Variants in TENM3 observed in about 807,000 individuals in gnomAD.
The protein encoded by TENM3 is teneurin transmembrane protein 3.
TENM3 carries 63 observed loss-of-function variants against 255.1 expected under a neutral mutation model. That is an observed-to-expected ratio of 0.25 (90% CI 0.20 to 0.30). The LOEUF is 0.30. Ranked by LOEUF, TENM3 falls within the 10% of genes least tolerant of loss-of-function variation. TENM3 has a pLI of 1.00. For synonymous variants in TENM3, 1,306 were observed against 1,322.3 expected (o/e 0.99, Z 0.27); for missense variants, 2,929 against 3,461.1 (o/e 0.85, Z 3.86).
At chr4:182,504,674 T>C (rs140253418) in intron 3 of TENM3, among the ~76,000 whole-genome samples, 6 of 152,322 alleles carry the variant, frequency 3.9e-5, no homozygotes, top group African/African-American at 1.2e-4. Context: ...TGAATACATA[T>C]GGCGTTCGTA....
chr4:182,670,363 G>A (rs540577375), intron 6 of TENM3, among the ~76,000 whole-genome samples: 39 of 152,200 alleles, frequency 2.6e-4, no homozygotes, highest in African/African-American at 9.2e-4. Context: ...CCATGATTGT[G>A]AACACTGGGA....
chr4:182,688,404 G>A (rs1465019036), intron 12 of TENM3, 53 bp downstream of exon 12: 12 of 1,363,398 alleles, frequency 8.8e-6, no homozygotes, highest in South Asian at 3.6e-5. Flanking sequence ...GAAGAGCACC[G>A]ACGGTCAGCT....
intron 3 of TENM3, among the ~76,000 whole-genome samples, chr4:182,422,656 T>C (rs1580485650): frequency 6.6e-6 from 1 of 152,330 alleles, no homozygotes; most frequent in Non-Finnish European, 1.5e-5. Flanking sequence ...GACTTGTCAT[T>C]CAATTTCACT....
At chr4:181,886,273 G>C in the TENM3 span, among the ~76,000 whole-genome samples, 2 of 151,852 alleles carry the variant, frequency 1.3e-5, no homozygotes, top group Non-Finnish European at 2.9e-5. Context: ...GGCTACTTTC[G>C]AACTCCCGAC....
chr4:182,252,438 G>T (rs1758081430), intron 1 of TENM3, among the ~76,000 whole-genome samples: 2 of 152,172 alleles, frequency 1.3e-5, no homozygotes, highest in Admixed American at 6.5e-5. Flanking sequence ...TTAGTGTGCA[G>T]TTGGCAAATC....
the TENM3 span, among the ~76,000 whole-genome samples, chr4:181,776,386 C>T: frequency 6.6e-6 from 1 of 152,018 alleles, no homozygotes; most frequent in Non-Finnish European, 1.5e-5. Context: ...ATACAGAGAT[C>T]CCAGAATCCC....
the TENM3 span, among the ~76,000 whole-genome samples, chr4:182,069,000 A>G: frequency 6.6e-6 from 1 of 152,158 alleles, no homozygotes; most frequent in African/African-American, 2.4e-5. Context: ...AATTAGAAGA[A>G]TATGATAGAA....
the TENM3 span, among the ~76,000 whole-genome samples, chr4:182,135,683 A>G: frequency 6.6e-6 from 1 of 152,260 alleles, no homozygotes; most frequent in Non-Finnish European, 1.5e-5. Flanking sequence ...CGTCGTAAGT[A>G]TGTTGTTAAG....
chr4:182,503,242 G>A (rs74851478), intron 3 of TENM3, among the ~76,000 whole-genome samples: 96 of 152,138 alleles, frequency 6.3e-4, no homozygotes, highest in African/African-American at 2.2e-3. Flanking sequence ...CATTTAGATG[G>A]GCATGGTTTT....
chr4:182,756,798 C>T (rs1406511119), intron 22 of TENM3, among the ~76,000 whole-genome samples: 1 of 152,156 alleles, frequency 6.6e-6, no homozygotes, highest in Non-Finnish European at 1.5e-5. Flanking sequence ...GTCAGAGGAA[C>T]AAACCTTTTC....
At chr4:182,054,613 T>C in the TENM3 span, among the ~76,000 whole-genome samples, 2 of 152,174 alleles carry the variant, frequency 1.3e-5, no homozygotes. Flanking sequence ...AGATTGGTTA[T>C]AACATGAAGG....
chr4:181,776,547 A>C, the TENM3 span, among the ~76,000 whole-genome samples: 4 of 152,014 alleles, frequency 2.6e-5, no homozygotes, highest in Admixed American at 1.3e-4. Context: ...AGTGTATAAC[A>C]GTTCCCTTTT....
the TENM3 span, among the ~76,000 whole-genome samples, chr4:181,607,877 A>T: frequency 6.6e-6 from 1 of 152,212 alleles, no homozygotes; most frequent in African/African-American, 2.4e-5. Flanking sequence ...CTTTCAAATT[A>T]ATTGCTTATA....
intron 4 of TENM3, among the ~76,000 whole-genome samples, chr4:182,622,944 C>T (rs995404004): frequency 5.3e-5 from 8 of 151,736 alleles, no homozygotes; most frequent in Middle Eastern, 3.4e-3. Flanking sequence ...CAGTATAGTA[C>T]GTTAGAAATG....
At chr4:182,303,466 C>T (rs1761957689) in intron 1 of TENM3, among the ~76,000 whole-genome samples, 1 of 152,176 alleles carries the variant, frequency 6.6e-6, no homozygotes, top group Admixed American at 6.5e-5. Context: ...AAAGCTTTCA[C>T]AATAAAGCGT....
chr4:181,509,091 A>C, the TENM3 span, among the ~76,000 whole-genome samples: 6 of 151,914 alleles, frequency 3.9e-5, no homozygotes, highest in Non-Finnish European at 8.8e-5. Flanking sequence ...GCAACCCGAG[A>C]TCATAGGGAG....
At chr4:182,028,613 GC>G in the TENM3 span, among the ~76,000 whole-genome samples, 1 of 151,954 alleles carries the variant, frequency 6.6e-6, no homozygotes, top group African/African-American at 2.4e-5. Flanking sequence ...CACTGCTTTT[GC>G]TGTTTCTCAC....
the TENM3 span, among the ~76,000 whole-genome samples, chr4:181,983,625 A>G: frequency 6.6e-6 from 1 of 152,132 alleles, no homozygotes; most frequent in South Asian, 2.1e-4. Flanking sequence ...TTTATTAAGT[A>G]TAATTACCAA....
chr4:182,066,806 G>C, the TENM3 span, among the ~76,000 whole-genome samples: 2 of 152,162 alleles, frequency 1.3e-5, no homozygotes, highest in African/African-American at 4.8e-5. Context: ...AGCTACTCGG[G>C]AGGCTGAGGC....
Sources: gnomAD v4.1 joint callset for allele counts (sites outside exome capture counted in the v4.1 genomes callset) on GRCh38, gnomAD v4.1.1 for gene constraint, MANE v1.5 for transcripts, NCBI Gene and HGNC (gene_info 2026-07-23, HGNC 2026-07-21) for gene names.